The following AKAP6 variants were observed in gnomAD, a reference collection of about 807,000 sequenced individuals.
AKAP6 encodes the protein A-kinase anchor protein 6.
A neutral mutation model predicts 188.5 loss-of-function variants in AKAP6; 58 were observed. The observed-to-expected ratio is 0.31, with a 90% CI of 0.25 to 0.38. The LOEUF is 0.38. Ranked by LOEUF, AKAP6 falls within the 10% of genes least tolerant of loss-of-function variation. AKAP6 has a pLI of 1.00. For synonymous variants in AKAP6, 989 were observed against 998.6 expected (o/e 0.99, Z 0.18); for missense variants, 2,710 against 2,740.0 (o/e 0.99, Z 0.24).
At chr14:32,526,663 A>G (rs1366159746) in intron 2 of AKAP6, among the ~76,000 whole-genome samples, 1 of 152,246 alleles carries the variant, frequency 6.6e-6, no homozygotes, top group African/African-American at 2.4e-5. Flanking sequence ...TGCAGGTGTG[A>G]GCCACCATGT....
intron 1 of AKAP6, among the ~76,000 whole-genome samples, chr14:32,383,063 G>A (rs1260646594): frequency 1.3e-5 from 2 of 149,092 alleles, no homozygotes; most frequent in Non-Finnish European, 3.0e-5. Flanking sequence ...GAATTTTGAG[G>A]TTCTAATCAG....
intron 2 of AKAP6, among the ~76,000 whole-genome samples, chr14:32,451,434 T>C (rs1890932058): frequency 6.6e-6 from 1 of 152,228 alleles, no homozygotes; most frequent in Non-Finnish European, 1.5e-5. Context: ...TATACAGCTA[T>C]TTATTTCCTA....
intron 3 of AKAP6, among the ~76,000 whole-genome samples, chr14:32,539,750 T>C (rs964342491): frequency 2.8e-4 from 43 of 152,184 alleles, no homozygotes; most frequent in African/African-American, 9.9e-4. Flanking sequence ...CAAACCTTTG[T>C]TGTACTTCAC....
In AKAP6 at chr14:32,726,328, G is replaced by A. The variant is rs150815596; in HGVS notation, c.3001-6126G>A. On this transcript the variant is annotated intron_variant, in intron 9 of 13. Transcript: ENST00000280979. The stretch of plus-strand genomic sequence containing the variant: ...ACCCAAATGAAGGGTTCTGTAAAAG[G>A]TTGCTTGGTTGAAACTAATTAAAGA... 4,253 of 523,786 alleles carry A rather than the reference G, an allele frequency of 8.1e-3. 18 individuals are homozygous for A. Among genetic ancestry groups the A allele is most frequent in the Middle Eastern group, 0.017 (18 of 1,054 alleles). The allele number at this position is 523,786 out of a possible 1,614,324, so 32.4% of individuals were successfully genotyped here.
At position 32,466,895 on chromosome 14, in the gene AKAP6, AAAC is replaced by A. The variant is rs932421835; in HGVS notation, c.324+33081_324+33083del. Among the ~76,000 whole-genome samples the A allele has an allele frequency of 2.3e-4, 34 of 147,140 alleles. 2 individuals are homozygous for A. The highest frequency in any genetic ancestry group is 3.4e-4 in the Admixed American group (5 of 14,736). On this transcript the variant is annotated intron_variant, in intron 2 of 13. Coordinates refer to ENST00000280979, the MANE Select transcript of AKAP6 (RefSeq NM_004274.5). Reference sequence around the variant, plus strand: ...CATTAATATATATGTATATATATAAAAACAAAACAATTGAGGAAATATATACAT... The same window carrying A: ...CATTAATATATATGTATATATATAAAAAAACAATTGAGGAAATATATACAT...
At chr14:32,364,265 A>G (rs1183330159) in intron 1 of AKAP6, among the ~76,000 whole-genome samples, 1 of 152,232 alleles carries the variant, frequency 6.6e-6, no homozygotes, top group Admixed American at 6.5e-5. Context: ...ACAGTTCATT[A>G]TAGTACTTTC....
At chr14:32,407,109 C>T (rs562243446) in intron 1 of AKAP6, among the ~76,000 whole-genome samples, 1 of 152,288 alleles carries the variant, frequency 6.6e-6, no homozygotes, top group South Asian at 2.1e-4. Flanking sequence ...TCCTCATCTT[C>T]CTACGTCCAC....
chr14:32,364,651 C>A (rs889087225), intron 1 of AKAP6, among the ~76,000 whole-genome samples: 1 of 152,124 alleles, frequency 6.6e-6, no homozygotes, highest in Non-Finnish European at 1.5e-5. Flanking sequence ...TCGGCGCTGT[C>A]CCCTGCCCCG....
intron 2 of AKAP6, among the ~76,000 whole-genome samples, chr14:32,528,921 A>G (rs1044883910): frequency 1.3e-5 from 2 of 152,086 alleles, no homozygotes; most frequent in African/African-American, 4.8e-5. Context: ...CAGGTGATCC[A>G]CCTGCCTCAG....
intron 4 of AKAP6, among the ~76,000 whole-genome samples, chr14:32,564,066 C>T (rs1884083494): frequency 6.6e-6 from 1 of 152,054 alleles, no homozygotes; most frequent in Middle Eastern, 3.2e-3. Flanking sequence ...TTGCATATAA[C>T]CTACACACCT....
rs751980234 is a variant in AKAP6 at position 32,736,287 on chromosome 14, C to T, written c.3372+405C>T. Among the ~76,000 whole-genome samples, 4 of 152,104 alleles carry T rather than the reference C, an allele frequency of 2.6e-5. No homozygotes were observed. In the South Asian group the frequency reaches 6.2e-4, roughly 24 times the overall value. On this transcript the variant is annotated intron_variant, in intron 11 of 13. Coordinates refer to ENST00000280979, the MANE Select transcript of AKAP6 (RefSeq NM_004274.5). ...CACATGATTTAATCGAAGTCCATTACTGCTAACAAAAGGAAACATAATTTT... is the reference window on the plus strand; with the variant it reads ...CACATGATTTAATCGAAGTCCATTATTGCTAACAAAAGGAAACATAATTTT...
intron 7 of AKAP6, among the ~76,000 whole-genome samples, chr14:32,622,419 T>G (rs1261483810): frequency 6.6e-6 from 1 of 151,976 alleles, no homozygotes; most frequent in Non-Finnish European, 1.5e-5. Context: ...TAGAGACAAA[T>G]AGACATAATT....
chr14:32,677,241 T>C (rs1460028367), intron 7 of AKAP6, among the ~76,000 whole-genome samples: 2 of 152,210 alleles, frequency 1.3e-5, no homozygotes, highest in East Asian at 3.9e-4. Flanking sequence ...GCTATAAAAC[T>C]AGAGATCAGG....
chr14:32,694,203 T>C (rs373639888), intron 8 of AKAP6, among the ~76,000 whole-genome samples: 4 of 151,754 alleles, frequency 2.6e-5, no homozygotes, highest in African/African-American at 7.3e-5. Context: ...CCACCAAAAA[T>C]ACAAAAAATT....
At chr14:32,609,873 T>TGACACA (rs1227807063) in intron 7 of AKAP6, among the ~76,000 whole-genome samples, 8 of 125,040 alleles carry the variant, frequency 6.4e-5, no homozygotes, top group African/African-American at 3.0e-4. Context: ...TCTCTCTCTC[T>TGACACA]CTCTCTGACA....
intron 2 of AKAP6, among the ~76,000 whole-genome samples, chr14:32,503,569 G>C (rs1442414472): frequency 2.0e-5 from 3 of 150,640 alleles, no homozygotes; most frequent in Non-Finnish European, 4.4e-5. Context: ...TTGAATCTTT[G>C]ATACATTTGG....
At chr14:32,757,256 T>C (rs1270802752) in intron 11 of AKAP6, among the ~76,000 whole-genome samples, 1 of 152,220 alleles carries the variant, frequency 6.6e-6, no homozygotes, top group Non-Finnish European at 1.5e-5. Flanking sequence ...TGTGTATGAA[T>C]AGTTGTTCAA....
chr14:32,800,875 G>GATT (rs1224655654), intron 12 of AKAP6, among the ~76,000 whole-genome samples: 1 of 151,964 alleles, frequency 6.6e-6, no homozygotes, highest in East Asian at 1.9e-4. Context: ...AAATTAGCTG[G>GATT]GCATAGTGGT....
intron 2 of AKAP6, among the ~76,000 whole-genome samples, chr14:32,492,898 G>A (rs953424179): frequency 2.0e-5 from 3 of 152,134 alleles, no homozygotes; most frequent in African/African-American, 7.2e-5. Flanking sequence ...TCAAACTGGT[G>A]TTTATGAAAA....
Sources: gnomAD v4.1 joint callset for allele counts (sites outside exome capture counted in the v4.1 genomes callset) on GRCh38, gnomAD v4.1.1 for gene constraint, MANE v1.5 for transcripts, NCBI Gene and HGNC (gene_info 2026-07-23, HGNC 2026-07-21) for gene names.